The following CCDC85A variants were observed in gnomAD, a reference collection of about 807,000 sequenced individuals.
CCDC85A encodes coiled-coil domain containing 85A, also known as coiled-coil domain-containing protein 85A.
Under a neutral mutation model 50.2 loss-of-function variants are expected in CCDC85A, and 38 were observed. The observed-to-expected ratio is 0.76, with a 90% CI of 0.58 to 0.99. The LOEUF (loss-of-function observed/expected upper bound fraction) is 0.99. Ranked by LOEUF, CCDC85A falls within the 50% of genes least tolerant of loss-of-function variation. The probability of loss-of-function intolerance (pLI) is 0.00; values close to 1 mark genes in which losing one functional copy is unlikely to be tolerated. For synonymous variants in CCDC85A, 366 were observed against 301.4 expected, an observed-to-expected ratio of 1.21 and a Z score of -2.22; for missense variants, 820 against 742.0, an observed-to-expected ratio of 1.11 and a Z score of -1.22.
At chr2:56,311,141 A>G (rs72927182) in intron 2 of CCDC85A, among the ~76,000 whole-genome samples, 8,400 of 152,210 alleles carry the variant, frequency 0.055, 779 homozygotes, top group African/African-American at 0.19. Flanking sequence ...TCCAGTTTTA[A>G]AAATTCTTTA....
chr2:56,215,937 C>A (rs1314574315), intron 2 of CCDC85A, among the ~76,000 whole-genome samples: 5 of 151,844 alleles, frequency 3.3e-5, no homozygotes, highest in South Asian at 4.1e-4. Flanking sequence ...ATTTAAACTT[C>A]ATTGTCCATA....
At chr2:56,274,668 C>T (rs1670849126) in intron 2 of CCDC85A, among the ~76,000 whole-genome samples, 1 of 152,196 alleles carries the variant, frequency 6.6e-6, no homozygotes, top group East Asian at 1.9e-4. Context: ...CACCAAATGA[C>T]CGGGCACCGT....
intron 3 of CCDC85A, among the ~76,000 whole-genome samples, chr2:56,362,645 G>C (rs1675590620): frequency 6.6e-6 from 1 of 151,794 alleles, no homozygotes; most frequent in Non-Finnish European, 1.5e-5. Flanking sequence ...GCCCAGTGAA[G>C]TCTCGCTCTG....
chr2:56,269,497 G>A (rs1558615645), intron 2 of CCDC85A, among the ~76,000 whole-genome samples: 1 of 152,072 alleles, frequency 6.6e-6, no homozygotes, highest in Non-Finnish European at 1.5e-5. Context: ...CTTGGAAGAG[G>A]CCCTTACAAG....
chr2:56,226,116 C>T (rs1478099066), intron 2 of CCDC85A, among the ~76,000 whole-genome samples: 1 of 152,150 alleles, frequency 6.6e-6, no homozygotes, highest in Non-Finnish European at 1.5e-5. Context: ...GCATTCAGGG[C>T]ATGTGTAATG....
intron 2 of CCDC85A, among the ~76,000 whole-genome samples, chr2:56,340,434 G>C (rs761155858): frequency 2.0e-5 from 3 of 152,120 alleles, no homozygotes; most frequent in Non-Finnish European, 4.4e-5. Flanking sequence ...AGGTTGTTCT[G>C]CTTCAATATT....
chr2:56,188,992 G>A (rs924522833), intron 1 of CCDC85A, among the ~76,000 whole-genome samples: 1 of 152,226 alleles, frequency 6.6e-6, no homozygotes, highest in African/African-American at 2.4e-5. Flanking sequence ...GCTAGAGTGT[G>A]ATACAGGCCT....
intron 2 of CCDC85A, among the ~76,000 whole-genome samples, chr2:56,283,447 A>G (rs72803024): frequency 0.12 from 17,921 of 152,202 alleles, 1,188 homozygotes; most frequent in Admixed American, 0.17. Context: ...TATTTTTTGA[A>G]TAAATTCCAC....
intron 2 of CCDC85A, among the ~76,000 whole-genome samples, chr2:56,243,995 G>A (rs1290183248): frequency 6.6e-6 from 1 of 152,128 alleles, no homozygotes; most frequent in Non-Finnish European, 1.5e-5. Context: ...AACAAATAGA[G>A]TCTCTCTCTC....
At chr2:56,334,973 A>G (rs969405890) in intron 2 of CCDC85A, among the ~76,000 whole-genome samples, 2 of 152,316 alleles carry the variant, frequency 1.3e-5, no homozygotes, top group African/African-American at 2.4e-5. Flanking sequence ...ATAGTGGACT[A>G]GGGCAAAATC....
intron 2 of CCDC85A, among the ~76,000 whole-genome samples, chr2:56,209,357 A>G (rs1677092285): frequency 6.6e-6 from 1 of 152,006 alleles, no homozygotes; most frequent in African/African-American, 2.4e-5. Flanking sequence ...ACTTACAAGA[A>G]GATTAATTTA....
At chr2:56,297,107 G>T (rs1177009321) in intron 2 of CCDC85A, among the ~76,000 whole-genome samples, 2 of 152,048 alleles carry the variant, frequency 1.3e-5, no homozygotes, top group East Asian at 3.9e-4. Flanking sequence ...GCTCTCAGTG[G>T]GATTTACTGA....
chr2:56,284,620 G>C (rs1671348662), intron 2 of CCDC85A, among the ~76,000 whole-genome samples: 1 of 152,098 alleles, frequency 6.6e-6, no homozygotes, highest in Admixed American at 6.6e-5. Flanking sequence ...TGATCCACCT[G>C]CCTTGGCCTC....
In CCDC85A at chr2:56,184,046, C is replaced by T; in HGVS notation, c.-579C>T. On this transcript the variant is annotated 5_prime_UTR_variant, in exon 1 of 6. Transcript: ENST00000407595. ...TTCCGGAGCAGCCTAGGAGCGGCCG[C>T]GGGCGCAGCGAAGGCGGCAGGAGGA... 1.0e-6 allele frequency: 1 copy of T among 984,864 alleles called. No homozygotes were observed. Among genetic ancestry groups the T allele is most frequent in the Non-Finnish European group, 1.2e-6 (1 of 829,474 alleles). 61.0% of individuals were successfully genotyped at this position (984,864 alleles called of 1,614,324 possible). A position where few individuals can be genotyped will look rare whatever the true frequency, so the allele number is the denominator to read the frequency against.
intron 3 of CCDC85A, among the ~76,000 whole-genome samples, chr2:56,346,892 A>T (rs534775594): frequency 6.6e-6 from 1 of 152,228 alleles, no homozygotes; most frequent in Non-Finnish European, 1.5e-5. Flanking sequence ...TGTCAGTTCC[A>T]CTGCATGGAT....
intron 4 of CCDC85A, among the ~76,000 whole-genome samples, chr2:56,375,556 G>A (rs1676292323): frequency 6.6e-6 from 1 of 152,106 alleles, no homozygotes; most frequent in Admixed American, 6.5e-5. Flanking sequence ...CTTGAAATGT[G>A]TTTAAGGGCC....
intron 2 of CCDC85A, among the ~76,000 whole-genome samples, chr2:56,328,818 C>G (rs1322999535): frequency 2.0e-5 from 3 of 152,156 alleles, no homozygotes; most frequent in Non-Finnish European, 2.9e-5. Flanking sequence ...ACTGCCCTGG[C>G]TCATGCACAA....
chr2:56,192,886 C>T lies in CCDC85A; in HGVS notation c.686C>T (p.Ala229Val), dbSNP rs746024337. ...AGCCCGGACCACCACAAGCACCACGCGAGCAGTGGCAGCCCGGAGCACCTG... is the reference window on the plus strand; with the variant it reads ...AGCCCGGACCACCACAAGCACCACGTGAGCAGTGGCAGCCCGGAGCACCTG... Reference protein sequence around the residue: ...TDSPDHHKHHASSGSPEHLQK... With the variant: ...TDSPDHHKHHVSSGSPEHLQK... The change falls in exon 2 of 6, where the codon GCG becomes GTG. Residue 229 changes from alanine to valine, a missense_variant. Coordinates refer to ENST00000407595, the MANE Select transcript of CCDC85A (RefSeq NM_001080433.2). This position sits in a 1 kb window ranked among gnomAD's most constrained non-coding sequence, Gnocchi z 4.7. 1.3e-5 allele frequency: 21 copies of T among 1,612,820 alleles called. No individual in the cohort carries two copies. Among genetic ancestry groups the T allele is most frequent in the Admixed American group, 1.7e-5 (1 of 59,956 alleles).
intron 2 of CCDC85A, among the ~76,000 whole-genome samples, chr2:56,279,709 A>G (rs1258216705): frequency 1.3e-5 from 2 of 152,146 alleles, no homozygotes; most frequent in African/African-American, 4.8e-5. Context: ...TTCACTTACT[A>G]TATTGTCCTC....
Sources: allele counts gnomAD v4.1 joint callset (sites outside exome capture counted in the v4.1 genomes callset), GRCh38; gene constraint gnomAD v4.1.1; non-coding constraint Gnocchi (gnomAD v3.1); transcripts MANE v1.5; gene names NCBI Gene and HGNC (gene_info 2026-07-23, HGNC 2026-07-21).